Variants in ZNF638 observed in about 807,000 individuals in gnomAD.
ZNF638 encodes the protein zinc finger protein 638.
Under a neutral mutation model 195.6 loss-of-function variants are expected in ZNF638, and 46 were observed. That is an observed-to-expected ratio of 0.24 (90% CI 0.19 to 0.30). The LOEUF is 0.30. ZNF638 is among the 10% of genes least tolerant of loss of function. The pLI, the probability that ZNF638 is intolerant of heterozygous loss-of-function variation, is 1.00. For synonymous variants in ZNF638, 845 were observed against 772.0 expected, an observed-to-expected ratio of 1.09 and a Z score of -1.57; for missense variants, 2,440 against 2,325.3, an observed-to-expected ratio of 1.05 and a Z score of -1.01.
chr2:71,336,634 C>G (rs989214299), intron 1 of ZNF638, among the ~76,000 whole-genome samples: 6 of 152,148 alleles, frequency 3.9e-5, no homozygotes, highest in African/African-American at 1.4e-4. Flanking sequence ...GCAGCATTCC[C>G]AATGGGTACT....
Position 71,349,055 on chromosome 2 carries a change from C to A in ZNF638, c.101C>A (p.Pro34His), listed in dbSNP as rs141395815. 257 of 1,614,168 alleles carry A rather than the reference C, an allele frequency of 1.6e-4. No individual in the cohort carries two copies. The highest frequency in any genetic ancestry group is 2.1e-4 in the Non-Finnish European group (243 of 1,180,024). Residue 34 changes from proline to histidine, a missense_variant, in exon 2 of 28, where the codon CCT becomes CAT. This residue lies in a region of ZNF638 where 191 missense variants were observed against 173.8 expected (regional missense o/e 1.10). Transcript: ENST00000264447. ...GMRPPGPFMR[P>H]GSMGLPRFYP... is the part of the protein sequence containing the mutation. ...AGGCCTCCAGGACCATTTATGAGGC[C>A]TGGATCTATGGGTCTCCCAAGATTT...
chr2:71,388,681 C>T lies in ZNF638; in HGVS notation c.2378-7460C>T, dbSNP rs768181551. On this transcript the variant is annotated intron_variant, in intron 10 of 27. Coordinates refer to ENST00000264447, the MANE Select transcript of ZNF638 (RefSeq NM_014497.5). The stretch of plus-strand genomic sequence containing the variant: ...TCGTGAGGAACACTGCAAGGGATCA[C>T]GACGGAACCCCCGAAAATGAAGGCG... The T allele has an allele frequency of 1.5e-4, 166 of 1,122,348 alleles. 2 individuals are homozygous for T. The highest frequency in any genetic ancestry group is 1.4e-3 in the Admixed American group (85 of 59,314). 69.5% of individuals were successfully genotyped at this position (1,122,348 alleles called of 1,614,324 possible).
intron 1 of ZNF638, among the ~76,000 whole-genome samples, chr2:71,343,810 G>A (rs2078804578): frequency 6.6e-6 from 1 of 152,160 alleles, no homozygotes; most frequent in Non-Finnish European, 1.5e-5. Context: ...ACGTTTTCCT[G>A]TTGTATCACA....
chr2:71,379,237 C>T (rs2079490804), intron 8 of ZNF638, among the ~76,000 whole-genome samples: 1 of 152,152 alleles, frequency 6.6e-6, no homozygotes, highest in Admixed American at 6.5e-5. Context: ...ACAGTAGTTC[C>T]CGTTTATCTG....
At chr2:71,409,292 T>G (rs988880966) in intron 20 of ZNF638, among the ~76,000 whole-genome samples, 2 of 152,210 alleles carry the variant, frequency 1.3e-5, no homozygotes, top group African/African-American at 4.8e-5. Context: ...TAAAATGAGT[T>G]AATAATCAAC....
intron 14 of ZNF638, 76 bp downstream of exon 14, chr2:71,400,256 A>T (rs936729022): frequency 8.4e-6 from 10 of 1,194,316 alleles, no homozygotes; most frequent in Non-Finnish European, 1.1e-5. Flanking sequence ...AATTAAGAGT[A>T]TTACGATTCA....
intron 14 of ZNF638, 118 bp from the exon 15 acceptor site, chr2:71,400,360 A>C: frequency 2.7e-6 from 3 of 1,105,376 alleles, no homozygotes; most frequent in East Asian, 2.5e-5. Flanking sequence ...ATTTTGTACT[A>C]ATTCTCTAGA....
intron 2 of ZNF638, among the ~76,000 whole-genome samples, chr2:71,353,508 T>C (rs2078975564): frequency 6.6e-6 from 1 of 152,196 alleles, no homozygotes; most frequent in South Asian, 2.1e-4. Flanking sequence ...TTTTGGACTA[T>C]AATGTGGAAA....
At chr2:71,398,940 T>C (rs1160817317) in intron 12 of ZNF638, among the ~76,000 whole-genome samples, 168 bp downstream of exon 12, 3 of 152,204 alleles carry the variant, frequency 2.0e-5, no homozygotes, top group Admixed American at 2.0e-4. Flanking sequence ...TAGGCAGATA[T>C]ATTTTTGTGC....
intron 2 of ZNF638, among the ~76,000 whole-genome samples, chr2:71,351,252 A>T (rs2078935315): frequency 6.6e-6 from 1 of 151,938 alleles, no homozygotes; most frequent in South Asian, 2.1e-4. Context: ...CTGCCTTTCG[A>T]TTTTCTTTTC....
intron 2 of ZNF638, among the ~76,000 whole-genome samples, chr2:71,354,083 A>G (rs546600274): frequency 6.6e-6 from 1 of 152,372 alleles, no homozygotes; most frequent in South Asian, 2.1e-4. Context: ...TCTTTCAGAT[A>G]GTTCTTGCCA....
intron 1 of ZNF638, among the ~76,000 whole-genome samples, chr2:71,344,672 A>C (rs541020543): frequency 6.6e-6 from 1 of 152,318 alleles, no homozygotes; most frequent in South Asian, 2.1e-4. Context: ...TTAATCTTGT[A>C]ATTTTATTCC....
chr2:71,381,352 AT>A (rs2079531524), intron 10 of ZNF638, among the ~76,000 whole-genome samples: 1 of 152,076 alleles, frequency 6.6e-6, no homozygotes, highest in Non-Finnish European at 1.5e-5. Context: ...TGAAAATTGG[AT>A]TGTGGAATAT....
At chr2:71,364,434 ATG>A (rs2079161138) in intron 5 of ZNF638, among the ~76,000 whole-genome samples, 182 bp downstream of exon 5, 2 of 152,248 alleles carry the variant, frequency 1.3e-5, no homozygotes, top group Admixed American at 1.3e-4. Flanking sequence ...GTGTGAATGT[ATG>A]TGTCCATCAA....
intron 10 of ZNF638, among the ~76,000 whole-genome samples, chr2:71,384,324 C>G (rs972180046): frequency 2.6e-5 from 4 of 152,228 alleles, no homozygotes; most frequent in Admixed American, 6.5e-5. Context: ...TAAAGCAGAT[C>G]TGATCATTCT....
At chr2:71,332,221 C>T (rs574714158) in intron 1 of ZNF638, among the ~76,000 whole-genome samples, 1 of 152,364 alleles carries the variant, frequency 6.6e-6, no homozygotes, top group Non-Finnish European at 1.5e-5. Flanking sequence ...GAGGCGGCCC[C>T]TTCCCCAGCA....
At chr2:71,357,794 G>C (rs909876194) in intron 3 of ZNF638, among the ~76,000 whole-genome samples, 1 of 152,006 alleles carries the variant, frequency 6.6e-6, no homozygotes, top group Admixed American at 6.6e-5. Flanking sequence ...GAGATGAATA[G>C]GGGAGATATA....
At position 71,350,087 on chromosome 2, in the gene ZNF638, A is replaced by G; in HGVS notation, c.1133A>G (p.Asp378Gly). Residue 378 changes from aspartate (D) to glycine (G), a missense_variant, in exon 2 of 28, where the codon GAC becomes GGC. Around this residue, in one of 5 missense-constraint regions of ZNF638, gnomAD observed 305 missense variants for 283.6 expected, o/e 1.08. Transcript: ENST00000264447. ...AAAAAGAATTACCAGTCACAGGCTG[A>G]CATTCCCATTCGGTCTCCCTTTGGT... ...GSKKNYQSQADIPIRSPFGIV... is the reference protein window; with the variant it reads ...GSKKNYQSQAGIPIRSPFGIV... 6.2e-7 allele frequency: 1 copy of G among 1,614,208 alleles called. No individual in the cohort carries two copies. Among genetic ancestry groups the G allele is most frequent in the Non-Finnish European group, 8.5e-7 (1 of 1,180,046 alleles).
chr2:71,390,957 A>G (rs566788658), intron 10 of ZNF638, among the ~76,000 whole-genome samples: 8 of 152,310 alleles, frequency 5.3e-5, no homozygotes, highest in African/African-American at 1.9e-4. Flanking sequence ...ACCCCTTTCT[A>G]ATAATGGCCA....
Sources: allele counts gnomAD v4.1 joint callset (sites outside exome capture counted in the v4.1 genomes callset), GRCh38; gene constraint gnomAD v4.1.1; regional missense constraint gnomAD v4.1.1; transcripts MANE v1.5; gene names NCBI Gene and HGNC (gene_info 2026-07-23, HGNC 2026-07-21).